PTPRO: variants seen among roughly 807,000 people sequenced by gnomAD.
PTPRO encodes the protein protein tyrosine phosphatase receptor type O, also known as receptor-type tyrosine-protein phosphatase O.
PTPRO carries 62 observed loss-of-function variants against 145.2 expected under a neutral mutation model. The observed-to-expected ratio is 0.43, with a 90% CI of 0.35 to 0.53. The LOEUF (loss-of-function observed/expected upper bound fraction) is 0.53, where lower values mean the gene tolerates loss of function less well. Ranked by LOEUF, PTPRO falls within the 20% of genes least tolerant of loss-of-function variation. The pLI, the probability that PTPRO is intolerant of heterozygous loss-of-function variation, is 0.01. For synonymous variants in PTPRO, 565 were observed against 514.7 expected, an observed-to-expected ratio of 1.10 and a Z score of -1.32; for missense variants, 1,345 against 1,482.7, an observed-to-expected ratio of 0.91 and a Z score of 1.53.
At chr12:15,427,064 G>T (rs1450344592) in intron 1 of PTPRO, among the ~76,000 whole-genome samples, 1 of 151,994 alleles carries the variant, frequency 6.6e-6, no homozygotes, top group African/African-American at 2.4e-5. Flanking sequence ...ATTGGATGTG[G>T]TCTTACATTT....
In PTPRO at chr12:15,368,860, G is replaced by C. The variant is rs141852256; in HGVS notation, c.75+46059G>C. Among the ~76,000 whole-genome samples the C allele has an allele frequency of 3.4e-3, 522 of 152,326 alleles. 4 individuals carry two copies. Among genetic ancestry groups the C allele is most frequent in the African/African-American group, 0.012 (481 of 41,576 alleles). Reference sequence around the variant, plus strand: ...CCTGTTATATTTTTAAGATGACATAGAGGGTTGTCCCTTAGTTGAAAATAA... The same window carrying C: ...CCTGTTATATTTTTAAGATGACATACAGGGTTGTCCCTTAGTTGAAAATAA... On this transcript the variant is annotated intron_variant, in intron 1 of 26. Transcript: ENST00000281171.
intron 1 of PTPRO, among the ~76,000 whole-genome samples, chr12:15,400,484 G>A (rs77834705): frequency 0.079 from 11,955 of 152,020 alleles, 543 homozygotes; most frequent in African/African-American, 0.12. Context: ...ATGCCATTCC[G>A]TTGGCCTAGA....
intron 1 of PTPRO, among the ~76,000 whole-genome samples, chr12:15,396,888 T>C (rs1430264132): frequency 2.0e-5 from 3 of 152,168 alleles, no homozygotes; most frequent in Admixed American, 6.5e-5. Context: ...AAAGACCACA[T>C]ATATCAAAGT....
At chr12:15,461,424 G>A (rs1056747117) in intron 1 of PTPRO, among the ~76,000 whole-genome samples, 3 of 152,190 alleles carry the variant, frequency 2.0e-5, no homozygotes, top group African/African-American at 7.2e-5. Context: ...TCTGCCAAGG[G>A]CTGCGTCACA....
intron 1 of PTPRO, among the ~76,000 whole-genome samples, chr12:15,403,195 C>T (rs948791661): frequency 6.6e-6 from 1 of 152,144 alleles, no homozygotes; most frequent in Non-Finnish European, 1.5e-5. Context: ...GCCACACTAC[C>T]CTTTGACATC....
At chr12:15,486,019 C>T (rs1941878939) in intron 2 of PTPRO, among the ~76,000 whole-genome samples, 1 of 152,104 alleles carries the variant, frequency 6.6e-6, no homozygotes, top group Admixed American at 6.6e-5. Context: ...ATTCTGTGAG[C>T]ACTTCCAGGG....
At chr12:15,575,243 T>A (rs1944154939) in intron 19 of PTPRO, among the ~76,000 whole-genome samples, 1 of 151,818 alleles carries the variant, frequency 6.6e-6, no homozygotes, top group African/African-American at 2.4e-5. Context: ...TAGGCTGGAG[T>A]CCCTGCTAGA....
intron 1 of PTPRO, among the ~76,000 whole-genome samples, chr12:15,395,919 C>G (rs1939326162): frequency 6.6e-6 from 1 of 152,120 alleles, no homozygotes; most frequent in Non-Finnish European, 1.5e-5. Flanking sequence ...GAACCTCAGA[C>G]AAAGTGTATG....
At chr12:15,450,728 G>A (rs143972282) in intron 1 of PTPRO, among the ~76,000 whole-genome samples, 41 of 152,048 alleles carry the variant, frequency 2.7e-4, no homozygotes, top group Non-Finnish European at 4.1e-4. Context: ...AGCCATGATC[G>A]CACTACTGCA....
chr12:15,539,148 A>G (rs1943126332), intron 12 of PTPRO, among the ~76,000 whole-genome samples: 1 of 152,074 alleles, frequency 6.6e-6, no homozygotes, highest in South Asian at 2.1e-4. Flanking sequence ...AAGTGAAGAG[A>G]ATCAGAAGGG....
At chr12:15,473,999 A>G (rs935888797) in intron 1 of PTPRO, among the ~76,000 whole-genome samples, 34 of 152,202 alleles carry the variant, frequency 2.2e-4, no homozygotes, top group African/African-American at 8.2e-4. Flanking sequence ...GTAAAAGGCT[A>G]CAGAGGCGGA....
At chr12:15,541,006 G>T (rs996477815) in intron 12 of PTPRO, among the ~76,000 whole-genome samples, 1 of 152,104 alleles carries the variant, frequency 6.6e-6, no homozygotes, top group Non-Finnish European at 1.5e-5. Flanking sequence ...CTTTTAGAGG[G>T]TATTTAAAAG....
intron 13 of PTPRO, among the ~76,000 whole-genome samples, chr12:15,547,043 A>G (rs1374411930): frequency 1.3e-5 from 2 of 152,258 alleles, no homozygotes; most frequent in Non-Finnish European, 2.9e-5. Flanking sequence ...TGCCAAGTAT[A>G]TAAAGGCACT....
intron 12 of PTPRO, among the ~76,000 whole-genome samples, chr12:15,545,575 C>T (rs887370117): frequency 6.6e-6 from 1 of 151,522 alleles, no homozygotes; most frequent in Non-Finnish European, 1.5e-5. Context: ...CTCAAGAGAG[C>T]AATGCCAGTG....
chr12:15,589,694 C>T, intron 25 of PTPRO, 104 bp downstream of exon 25: 4 of 1,390,960 alleles, frequency 2.9e-6, no homozygotes, highest in Non-Finnish European at 4.0e-6. Context: ...TTCTTTGTAT[C>T]TTTCTTTCCC....
chr12:15,480,950 A>G (rs780786424), intron 1 of PTPRO, among the ~76,000 whole-genome samples: 9 of 152,208 alleles, frequency 5.9e-5, no homozygotes, highest in Non-Finnish European at 4.4e-5. Context: ...TGTCCAGAGT[A>G]TATGGTTATT....
intron 7 of PTPRO, among the ~76,000 whole-genome samples, chr12:15,513,214 AAAG>A (rs1942502184): frequency 3.9e-5 from 5 of 127,442 alleles, no homozygotes; most frequent in Non-Finnish European, 6.8e-5. Context: ...AGAAAGAAAG[AAAG>A]AAAGAAAGAA....
chr12:15,518,145 G>C (rs1015295598), intron 9 of PTPRO, among the ~76,000 whole-genome samples: 1 of 152,178 alleles, frequency 6.6e-6, no homozygotes, highest in Non-Finnish European at 1.5e-5. Flanking sequence ...CTCAGTTCTT[G>C]ACTCCTGTGC....
At chr12:15,457,817 AT>A (rs1184076955) in intron 1 of PTPRO, among the ~76,000 whole-genome samples, 1 of 152,156 alleles carries the variant, frequency 6.6e-6, no homozygotes, top group African/African-American at 2.4e-5. Flanking sequence ...CTTTTAAAAT[AT>A]TTTTATAGGT....
Sources: allele counts gnomAD v4.1 joint callset (sites outside exome capture counted in the v4.1 genomes callset), GRCh38; gene constraint gnomAD v4.1.1; transcripts MANE v1.5; gene names NCBI Gene and HGNC (gene_info 2026-07-23, HGNC 2026-07-21).